Variants in PCLO observed in about 807,000 individuals in gnomAD.
PCLO encodes piccolo presynaptic cytomatrix protein.
In PCLO, 82 loss-of-function variants were observed where a neutral mutation model predicts 427.5. That is an observed-to-expected ratio of 0.19 (90% confidence interval 0.16 to 0.23). The LOEUF is 0.23. PCLO is among the 10% of genes least tolerant of loss of function. PCLO has a pLI of 1.00. For missense variants in PCLO, 6,239 were observed against 6,115.9 expected (o/e 1.02, Z -0.67); for synonymous variants, 2,357 against 2,155.4 (o/e 1.09, Z -2.59).
At chr7:83,091,298 C>G (rs1790372387) in intron 3 of PCLO, among the ~76,000 whole-genome samples, 1 of 152,142 alleles carries the variant, frequency 6.6e-6, no homozygotes, top group South Asian at 2.1e-4. Flanking sequence ...GTAAACAACA[C>G]TCATTTCGAA....
intron 3 of PCLO, among the ~76,000 whole-genome samples, chr7:83,120,125 A>T (rs1261868025): frequency 1.3e-5 from 2 of 152,098 alleles, no homozygotes; most frequent in Non-Finnish European, 2.9e-5. Flanking sequence ...CAGGGAGGCC[A>T]GGCATGGTGG....
chr7:82,952,642 C>G lies in PCLO; in HGVS notation c.8311G>C (p.Val2771Leu). The G allele has an allele frequency of 6.2e-7, 1 of 1,613,920 alleles. No individual in the cohort carries two copies. The highest frequency in any genetic ancestry group is 1.6e-4 in the Middle Eastern group (1 of 6,062). Residue 2771 changes from valine to leucine, a missense_variant, in exon 5 of 25, where the codon GTC (valine) becomes CTC (leucine). By Grantham distance (32) the Val-to-Leu change is conservative (BLOSUM62 1). Transcript: ENST00000333891. ...NEVYGKQISA[V>L]QPSIINLSVT... ...CTAAGATTTATAATAGAGGGTTGGA[C>G]AGCACTAATTTGTTTCCCATAAACT...
chr7:82,845,501 A>G lies in PCLO; in HGVS notation c.13832-16T>C. The stretch of plus-strand genomic sequence containing the variant: ...GCCTTATCCACTACAACAAAATGAA[A>G]GAGATTTACATACTTCTCCATTTCA... On this transcript the variant is annotated splice_polypyrimidine_tract_variant and intron_variant, in intron 12 of 24. Coordinates refer to ENST00000333891, the MANE Select transcript of PCLO (RefSeq NM_033026.6). 1 of 1,549,064 alleles carries G rather than the reference A, an allele frequency of 6.5e-7. No homozygotes were observed. Among genetic ancestry groups the G allele is most frequent in the Middle Eastern group, 1.7e-4 (1 of 5,960 alleles).
intron 3 of PCLO, among the ~76,000 whole-genome samples, chr7:82,993,503 T>G (rs1374656970): frequency 6.6e-6 from 1 of 152,044 alleles, no homozygotes; most frequent in African/African-American, 2.4e-5. Context: ...TATTATTTAA[T>G]CATTCTAACT....
intron 22 of PCLO, among the ~76,000 whole-genome samples, chr7:82,799,507 C>T (rs1048418950): frequency 4.6e-5 from 7 of 152,158 alleles, no homozygotes; most frequent in Non-Finnish European, 8.8e-5. Flanking sequence ...GCAGGGCATA[C>T]GTAGCTTGAT....
chr7:83,107,945 T>C (rs6979562), intron 3 of PCLO, among the ~76,000 whole-genome samples: 69,039 of 139,764 alleles, frequency 0.49, 17,895 homozygotes, highest in African/African-American at 0.7. Flanking sequence ...GCCAAGATCG[T>C]GCCACTGCAC....
chr7:83,097,235 T>C (rs1294164572), intron 3 of PCLO, among the ~76,000 whole-genome samples: 3 of 134,922 alleles, frequency 2.2e-5, no homozygotes, highest in Middle Eastern at 3.6e-3. Flanking sequence ...TATATAAAAA[T>C]ATTTCGGCCA....
intron 16 of PCLO, among the ~76,000 whole-genome samples, chr7:82,835,434 T>C (rs566100007): frequency 3.9e-5 from 6 of 152,314 alleles, no homozygotes; most frequent in Non-Finnish European, 8.8e-5. Flanking sequence ...TTTTCATTGT[T>C]TCTATGCTTT....
chr7:83,159,987 T>C (rs1192290783), intron 1 of PCLO, among the ~76,000 whole-genome samples: 1 of 152,096 alleles, frequency 6.6e-6, no homozygotes, highest in Non-Finnish European at 1.5e-5. Context: ...TTTTTCCACA[T>C]GTAAAAGAAA....
At chr7:83,077,099 T>G (rs911697179) in intron 3 of PCLO, among the ~76,000 whole-genome samples, 10 of 152,142 alleles carry the variant, frequency 6.6e-5, no homozygotes, top group Non-Finnish European at 1.2e-4. Flanking sequence ...ATTCTTTCTT[T>G]TTGACTAAAA....
intron 3 of PCLO, among the ~76,000 whole-genome samples, chr7:83,113,332 C>A (rs765382216): frequency 6.6e-6 from 1 of 152,160 alleles, no homozygotes; most frequent in East Asian, 1.9e-4. Flanking sequence ...GGGATCACCA[C>A]GCCTGTTTTC....
intron 3 of PCLO, among the ~76,000 whole-genome samples, chr7:83,036,666 C>T (rs1309865433): frequency 1.3e-5 from 2 of 152,096 alleles, no homozygotes; most frequent in African/African-American, 4.8e-5. Flanking sequence ...CTATTTGTCA[C>T]ATCTGCTATA....
chr7:82,959,358 C>G (rs996182752), intron 4 of PCLO, among the ~76,000 whole-genome samples: 1 of 152,110 alleles, frequency 6.6e-6, no homozygotes, highest in Non-Finnish European at 1.5e-5. Flanking sequence ...GCCACCGTGC[C>G]TGGCCATGTG....
intron 3 of PCLO, among the ~76,000 whole-genome samples, chr7:82,995,994 T>C (rs1282066638): frequency 6.6e-6 from 1 of 151,922 alleles, no homozygotes. Context: ...ATAATTCTCA[T>C]CCTTTTTGCT....
At chr7:82,912,684 C>A (rs1041011072) in intron 7 of PCLO, among the ~76,000 whole-genome samples, 1 of 151,966 alleles carries the variant, frequency 6.6e-6, no homozygotes, top group African/African-American at 2.4e-5. Flanking sequence ...CAATGTTTTT[C>A]ACACAGTCTT....
At position 82,757,670 on chromosome 7, in the gene PCLO, G is replaced by A. The variant is rs1386423316; in HGVS notation, c.*905C>T. The A allele has an allele frequency of 6.6e-6, 1 of 151,914 alleles. No individual in the cohort carries two copies. Among genetic ancestry groups the A allele is most frequent in the Non-Finnish European group, 1.5e-5 (1 of 67,906 alleles). The allele number at this position is 151,914 out of a possible 1,614,324, so 9.4% of individuals were successfully genotyped here. A position where few individuals can be genotyped will look rare whatever the true frequency, so the allele number is the denominator to read the frequency against. Reference sequence around the variant, plus strand: ...TTATTTGCAGTTTCACAAAGAGTAAGTTATCATGCTTCCTAGAACATATCA... The same window carrying A: ...TTATTTGCAGTTTCACAAAGAGTAAATTATCATGCTTCCTAGAACATATCA... On this transcript the variant is annotated 3_prime_UTR_variant, in exon 25 of 25. Coordinates refer to ENST00000333891, the MANE Select transcript of PCLO (RefSeq NM_033026.6).
In PCLO at chr7:83,038,045, A is replaced by ATT. The variant is rs1259662329; in HGVS notation, c.3301-71559_3301-71558insAA. 3.2e-3 allele frequency among the ~76,000 whole-genome samples: 114 copies of ATT among 35,164 alleles called. 11 individuals are homozygous for ATT. Among genetic ancestry groups the ATT allele is most frequent in the East Asian group, 7.8e-3 (8 of 1,026 alleles). The allele number at this position is 35,164 out of a possible 152,430, so 23.1% of individuals were successfully genotyped here. A position where few individuals can be genotyped will look rare whatever the true frequency, so the allele number is the denominator to read the frequency against. ...TATATATATATTTATATATTTATAT[A>ATT]TATATCTTTATATATATATTTATAT... On this transcript the variant is annotated intron_variant, in intron 3 of 24. Transcript: ENST00000333891.
chr7:82,825,456 A>C (rs1791911337), intron 18 of PCLO, among the ~76,000 whole-genome samples: 1 of 152,010 alleles, frequency 6.6e-6, no homozygotes, highest in Non-Finnish European at 1.5e-5. Context: ...TTTTGGTGAA[A>C]AGAGATGTGC....
At chr7:82,813,498 A>G (rs557798965) in intron 20 of PCLO, among the ~76,000 whole-genome samples, 5 of 151,866 alleles carry the variant, frequency 3.3e-5, no homozygotes, top group African/African-American at 1.2e-4. Context: ...AATGTAAATC[A>G]GTGACCAATT....
Sources: gnomAD v4.1 joint callset for allele counts (sites outside exome capture counted in the v4.1 genomes callset) on GRCh38, gnomAD v4.1.1 for gene constraint, MANE v1.5 for transcripts, NCBI Gene and HGNC (gene_info 2026-07-23, HGNC 2026-07-21) for gene names.